The following TAS2R1 variants were observed in gnomAD, a reference collection of about 807,000 sequenced individuals.
TAS2R1 encodes the protein taste 2 receptor member 1, also known as taste receptor type 2 member 1.
For missense variants in TAS2R1, 370 were observed against 353.4 expected, an observed-to-expected ratio of 1.05 and a Z score of -0.38; for synonymous variants, 141 against 134.2, an observed-to-expected ratio of 1.05 and a Z score of -0.35.
At chr5:9,686,436 TG>T (rs966275181) in intron 1 of TAS2R1, among the ~76,000 whole-genome samples, 61 of 152,224 alleles carry the variant, frequency 4.0e-4, no homozygotes, top group African/African-American at 1.4e-3. Context: ...ATCCAGCCCA[TG>T]GCGAACTCCT....
the TAS2R1 span, among the ~76,000 whole-genome samples, chr5:9,813,131 A>G: frequency 1.6e-4 from 25 of 152,166 alleles, no homozygotes; most frequent in African/African-American, 3.9e-4. Flanking sequence ...GTTTCTTTAT[A>G]AAAAGGGGGA....
the TAS2R1 span, among the ~76,000 whole-genome samples, chr5:9,752,561 T>C: frequency 6.6e-6 from 1 of 152,012 alleles, no homozygotes; most frequent in Non-Finnish European, 1.5e-5. Context: ...ATATCATTTT[T>C]TTTATACTTT....
rs369211068 is a variant in TAS2R1, at chr5:9,695,285, T to A, written c.-242+16887A>T. On this transcript the variant is annotated intron_variant, in intron 1 of 2. Coordinates refer to the TAS2R1 transcript ENST00000506620. ...AGTCCTGAGAAAGCCTCAATTCCCT[T>A]CTCAATAAAATAATGTTGAAGATTC... Among the ~76,000 whole-genome samples the A allele has an allele frequency of 4.9e-4, 75 of 152,276 alleles. 2 individuals carry two copies. In the South Asian group the frequency reaches 0.015, roughly 31 times the overall value.
In TAS2R1 at chr5:9,659,205, G is replaced by T. The variant is rs543974141; in HGVS notation, c.-81+216C>A. 1.4e-4 allele frequency among the ~76,000 whole-genome samples: 22 copies of T among 152,160 alleles called. No homozygotes were observed. In the South Asian group the frequency reaches 3.7e-3, roughly 26 times the overall value. On this transcript the variant is annotated intron_variant, in intron 2 of 2. Transcript: ENST00000506620. ...AAGTGGACAATTGCACCCTACACCCGTGTGACCCAGGGGAGCACAGGGACC... is the reference window on the plus strand; with the variant it reads ...AAGTGGACAATTGCACCCTACACCCTTGTGACCCAGGGGAGCACAGGGACC...
intron 1 of TAS2R1, among the ~76,000 whole-genome samples, chr5:9,708,793 C>T (rs980960922): frequency 6.6e-6 from 1 of 152,094 alleles, no homozygotes; most frequent in Non-Finnish European, 1.5e-5. Context: ...CTTAAACTCT[C>T]GACATTTATT....
At chr5:9,759,844 T>C in the TAS2R1 span, among the ~76,000 whole-genome samples, 3 of 151,414 alleles carry the variant, frequency 2.0e-5, no homozygotes, top group African/African-American at 7.3e-5. Context: ...GTGTAGATTC[T>C]TTTACCCATT....
At chr5:9,748,084 C>A in the TAS2R1 span, among the ~76,000 whole-genome samples, 1 of 152,146 alleles carries the variant, frequency 6.6e-6, no homozygotes, top group Non-Finnish European at 1.5e-5. Flanking sequence ...TTTCCTTCTG[C>A]TGGCTTTTTA....
At chr5:9,675,193 G>C (rs1740849378) in intron 1 of TAS2R1, among the ~76,000 whole-genome samples, 1 of 150,256 alleles carries the variant, frequency 6.7e-6, no homozygotes, top group South Asian at 2.1e-4. Context: ...AAAATAAGTG[G>C]AGAGATAGTC....
At chr5:9,760,574 G>T in the TAS2R1 span, among the ~76,000 whole-genome samples, 21 of 152,238 alleles carry the variant, frequency 1.4e-4, no homozygotes, top group African/African-American at 5.1e-4. Flanking sequence ...CATGTCAACA[G>T]GCTAAATAAG....
the TAS2R1 span, among the ~76,000 whole-genome samples, chr5:9,722,615 A>G: frequency 6.6e-6 from 1 of 152,166 alleles, no homozygotes; most frequent in Non-Finnish European, 1.5e-5. Flanking sequence ...AAAAGTTTAG[A>G]TCTCCATATT....
the TAS2R1 span, among the ~76,000 whole-genome samples, chr5:9,841,527 A>T: frequency 1.2e-4 from 18 of 152,116 alleles, no homozygotes; most frequent in African/African-American, 4.1e-4. Context: ...AATTTATTAA[A>T]TTTTTTAGTT....
At chr5:9,888,234 G>A in the TAS2R1 span, among the ~76,000 whole-genome samples, 3 of 152,006 alleles carry the variant, frequency 2.0e-5, no homozygotes, top group African/African-American at 7.3e-5. Context: ...GCCCTCTCAC[G>A]GGAGCTGCCA....
At chr5:9,835,689 T>C in the TAS2R1 span, among the ~76,000 whole-genome samples, 1 of 152,102 alleles carries the variant, frequency 6.6e-6, no homozygotes, top group Non-Finnish European at 1.5e-5. Context: ...AGTCATGTCC[T>C]GCAAAGTGGC....
At chr5:9,893,640 C>T in the TAS2R1 span, among the ~76,000 whole-genome samples, 10 of 152,192 alleles carry the variant, frequency 6.6e-5, no homozygotes, top group African/African-American at 1.4e-4. Flanking sequence ...ATTACAACAA[C>T]GTAATCTCCT....
At chr5:9,644,718 G>C (rs1353575686) in intron 2 of TAS2R1, among the ~76,000 whole-genome samples, 1 of 152,128 alleles carries the variant, frequency 6.6e-6, no homozygotes, top group Non-Finnish European at 1.5e-5. Context: ...TTGCCAGCTG[G>C]AGTATCTGAG....
intron 1 of TAS2R1, among the ~76,000 whole-genome samples, chr5:9,703,979 A>G (rs1741546751): frequency 2.0e-5 from 3 of 152,250 alleles, no homozygotes; most frequent in Admixed American, 1.3e-4. Context: ...AAAGTGGTCA[A>G]AGTCATAAAG....
intron 1 of TAS2R1, among the ~76,000 whole-genome samples, chr5:9,684,290 G>T (rs1741082649): frequency 6.6e-6 from 1 of 152,220 alleles, no homozygotes; most frequent in African/African-American, 2.4e-5. Context: ...AAGTGAGTAA[G>T]TCAAGCACAG....
At chr5:9,691,517 A>G (rs1741249440) in intron 1 of TAS2R1, among the ~76,000 whole-genome samples, 1 of 152,270 alleles carries the variant, frequency 6.6e-6, no homozygotes, top group Non-Finnish European at 1.5e-5. Context: ...CTCACTGCAT[A>G]GCATCTGCTG....
chr5:9,799,701 A>G, the TAS2R1 span, among the ~76,000 whole-genome samples: 1 of 152,210 alleles, frequency 6.6e-6, no homozygotes, highest in Non-Finnish European at 1.5e-5. Context: ...GAAGAGAAAG[A>G]AAGAAACATC....
Sources: allele counts gnomAD v4.1 joint callset (sites outside exome capture counted in the v4.1 genomes callset), GRCh38; gene constraint gnomAD v4.1.1; transcripts MANE v1.5; gene names NCBI Gene and HGNC (gene_info 2026-07-23, HGNC 2026-07-21).